The following CSMD3 variants were observed in gnomAD, a reference collection of about 807,000 sequenced individuals.
CSMD3 encodes CUB and sushi domain-containing protein 3.
In CSMD3, 177 loss-of-function variants were observed where a neutral mutation model predicts 435.2. The ratio of observed to expected loss-of-function variants is 0.41; its 90% CI spans 0.36 to 0.46. The LOEUF is 0.46. Among genes scored for constraint, CSMD3 ranks in the 20% least tolerant of loss-of-function variants. The pLI is 0.34. For missense variants in CSMD3, 4,265 were observed against 4,504.6 expected, an observed-to-expected ratio of 0.95 and a Z score of 1.52; for synonymous variants, 1,656 against 1,520.5, an observed-to-expected ratio of 1.09 and a Z score of -2.07.
chr8:112,458,809 C>G (rs1275231158), intron 32 of CSMD3, among the ~76,000 whole-genome samples: 1 of 152,096 alleles, frequency 6.6e-6, no homozygotes, highest in East Asian at 1.9e-4. Flanking sequence ...TGATTGGACA[C>G]TGAATTCATA....
rs143911748 is a variant in CSMD3 at position 112,347,697 on chromosome 8, T to C, written c.6326-1484A>G. On this transcript the variant is annotated intron_variant, in intron 40 of 70. Coordinates refer to ENST00000297405, the MANE Select transcript of CSMD3 (RefSeq NM_198123.2). The stretch of plus-strand genomic sequence containing the variant: ...TTAATTCACCCTTAAACCAAATCAA[T>C]TTTCAATGAAGTTAGTATTTACCAA... Among the ~76,000 whole-genome samples the C allele has an allele frequency of 3.2e-3, 490 of 152,302 alleles. 2 individuals carry two copies. Among genetic ancestry groups the C allele is most frequent in the African/African-American group, 0.011 (476 of 41,576 alleles).
intron 13 of CSMD3, among the ~76,000 whole-genome samples, chr8:112,798,866 A>G (rs534944396): frequency 6.6e-6 from 1 of 151,866 alleles, no homozygotes; most frequent in Non-Finnish European, 1.5e-5. Context: ...ATTTAGAGGG[A>G]GAAGGGGAAG....
chr8:112,415,752 G>C (rs1811841292), intron 32 of CSMD3, among the ~76,000 whole-genome samples: 1 of 152,192 alleles, frequency 6.6e-6, no homozygotes, highest in South Asian at 2.1e-4. Context: ...GCATCAGCGT[G>C]ACCTGGATGT....
chr8:113,354,970 A>T (rs2094212231), intron 1 of CSMD3, among the ~76,000 whole-genome samples: 1 of 152,110 alleles, frequency 6.6e-6, no homozygotes, highest in Non-Finnish European at 1.5e-5. Context: ...TCCCCATTTT[A>T]CTCTCAAATT....
chr8:113,244,909 T>A (rs1204596399), intron 3 of CSMD3, among the ~76,000 whole-genome samples: 2 of 152,190 alleles, frequency 1.3e-5, no homozygotes, highest in Non-Finnish European at 1.5e-5. Flanking sequence ...ATTCACCAAC[T>A]AATTTTGTTA....
intron 5 of CSMD3, among the ~76,000 whole-genome samples, chr8:113,079,499 A>G (rs1451917866): frequency 6.6e-6 from 1 of 152,016 alleles, no homozygotes; most frequent in Non-Finnish European, 1.5e-5. Context: ...TATAGCTGCT[A>G]TCAAAATTTA....
At chr8:112,437,614 A>C (rs1317564688) in intron 32 of CSMD3, among the ~76,000 whole-genome samples, 5 of 152,110 alleles carry the variant, frequency 3.3e-5, no homozygotes. Context: ...GATCTGAATT[A>C]TATGAACAAT....
At chr8:112,885,966 T>A (rs2081577593) in intron 10 of CSMD3, among the ~76,000 whole-genome samples, 1 of 151,740 alleles carries the variant, frequency 6.6e-6, no homozygotes, top group Admixed American at 6.6e-5. Context: ...TATGACTATC[T>A]TAAGGCACTG....
At position 113,098,996 on chromosome 8, in the gene CSMD3, T is replaced by C. The variant is rs191240947; in HGVS notation, c.710-33A>G. Reference sequence around the variant, plus strand: ...AAATGACAAAATATTCAGTTGTAAGTTATTGAGATAAATGCAATTGTTCAG... The same window carrying C: ...AAATGACAAAATATTCAGTTGTAAGCTATTGAGATAAATGCAATTGTTCAG... On this transcript the variant is annotated intron_variant, in intron 4 of 70. Coordinates refer to ENST00000297405, the MANE Select transcript of CSMD3 (RefSeq NM_198123.2). The C allele has an allele frequency of 1.3e-4, 180 of 1,371,442 alleles. No homozygotes were observed. In the African/African-American group the frequency reaches 2.4e-3, roughly 19 times the overall value. 85.0% of individuals were successfully genotyped at this position (1,371,442 alleles called of 1,614,324 possible).
intron 10 of CSMD3, among the ~76,000 whole-genome samples, chr8:112,859,881 G>A (rs1037006067): frequency 2.0e-5 from 3 of 151,728 alleles, no homozygotes; most frequent in Non-Finnish European, 4.4e-5. Flanking sequence ...TACTGTTTCT[G>A]TTTCTTGCTT....
At chr8:113,181,064 G>T (rs1452100780) in intron 3 of CSMD3, among the ~76,000 whole-genome samples, 1 of 151,740 alleles carries the variant, frequency 6.6e-6, no homozygotes, top group Non-Finnish European at 1.5e-5. Flanking sequence ...TTAACTTATT[G>T]AAAGGGAACC....
chr8:113,396,739 T>C (rs1588658758), intron 1 of CSMD3, among the ~76,000 whole-genome samples: 1 of 152,282 alleles, frequency 6.6e-6, no homozygotes, highest in East Asian at 1.9e-4. Flanking sequence ...ACACAGAAGA[T>C]TCCTGTAACT....
Position 113,346,737 on chromosome 8 carries a change from G to T in CSMD3, c.179-31944C>A, listed in dbSNP as rs1038130754. Reference sequence around the variant, plus strand: ...AAATACACAAGAAAATAATCACAAAGCATTAAAATTATAAAATAATTTATA... The same window carrying T: ...AAATACACAAGAAAATAATCACAAATCATTAAAATTATAAAATAATTTATA... On this transcript the variant is annotated intron_variant, in intron 1 of 70. Coordinates refer to ENST00000297405, the MANE Select transcript of CSMD3 (RefSeq NM_198123.2). Among the ~76,000 whole-genome samples, 11 of 151,904 alleles carry T rather than the reference G, an allele frequency of 7.2e-5. No homozygotes were observed. The East Asian group carries it at 1.7e-3, about 24-fold the overall frequency.
chr8:113,430,400 G>T (rs181526875), intron 1 of CSMD3, among the ~76,000 whole-genome samples: 1 of 152,026 alleles, frequency 6.6e-6, no homozygotes, highest in African/African-American at 2.4e-5. Context: ...TAAAACTGAA[G>T]CTTAGGAAAG....
intron 38 of CSMD3, among the ~76,000 whole-genome samples, chr8:112,365,357 A>T (rs998075862): frequency 6.6e-6 from 1 of 152,082 alleles, no homozygotes; most frequent in African/African-American, 2.4e-5. Context: ...AAGACATCAA[A>T]GTTTAAGAAA....
chr8:112,437,033 C>T (rs1814432011), intron 32 of CSMD3, among the ~76,000 whole-genome samples: 1 of 151,928 alleles, frequency 6.6e-6, no homozygotes, highest in African/African-American at 2.4e-5. Context: ...TATTTGAGCA[C>T]AGCTAGAGAC....
chr8:112,555,988 G>A (rs529529493), intron 25 of CSMD3, among the ~76,000 whole-genome samples: 1 of 151,920 alleles, frequency 6.6e-6, no homozygotes, highest in African/African-American at 2.4e-5. Flanking sequence ...AAAAAGAAAG[G>A]CTGAAGAATC....
intron 31 of CSMD3, among the ~76,000 whole-genome samples, chr8:112,473,956 T>G (rs1375292279): frequency 6.6e-6 from 1 of 152,034 alleles, no homozygotes; most frequent in Non-Finnish European, 1.5e-5. Flanking sequence ...GTAGGAAGCC[T>G]GTTGTCACTG....
chr8:112,696,300 C>T (rs1179405996), intron 13 of CSMD3, among the ~76,000 whole-genome samples: 1 of 152,126 alleles, frequency 6.6e-6, no homozygotes, highest in Non-Finnish European at 1.5e-5. Context: ...AAGCTGGAGG[C>T]ATCATGCTAC....
Sources: gnomAD v4.1 joint callset for allele counts (sites outside exome capture counted in the v4.1 genomes callset) on GRCh38, gnomAD v4.1.1 for gene constraint, MANE v1.5 for transcripts, NCBI Gene and HGNC (gene_info 2026-07-23, HGNC 2026-07-21) for gene names.